Variants in NOL11 observed in about 807,000 individuals in gnomAD.
The protein encoded by NOL11 is nucleolar protein 11.
In NOL11, 42 loss-of-function variants were observed where a neutral mutation model predicts 93.0. The ratio of observed to expected loss-of-function variants is 0.45; its 90% confidence interval spans 0.35 to 0.58. The LOEUF (loss-of-function observed/expected upper bound fraction) is 0.58, where lower values mean the gene tolerates loss of function less well. NOL11 is among the 20% of genes least tolerant of loss of function. The pLI is 0.00. For synonymous variants in NOL11, 296 were observed against 293.7 expected, an observed-to-expected ratio of 1.01 and a Z score of -0.08; for missense variants, 775 against 841.8, an observed-to-expected ratio of 0.92 and a Z score of 0.98.
In NOL11 at chr17:67,722,596, G is replaced by T; in HGVS notation, c.478G>T (p.Val160Leu). Residue 160 changes from valine to leucine, a missense_variant, in exon 5 of 18, where the codon GTA (valine) becomes TTA (leucine). Val to Leu is a conservative substitution (Grantham distance 32). Transcript: ENST00000253247. ...EEVIKWTKFF[V>L]VFRHPVLIFI... ...TTTTTGTAGATGGACAAAGTTTTTC[G>T]TAGTATTCAGACATCCTGTTTTAAT... The T allele has an allele frequency of 1.3e-6, 2 of 1,570,132 alleles. No individual in the cohort carries two copies. The highest frequency in any genetic ancestry group is 8.6e-7 in the Non-Finnish European group (1 of 1,166,086).
chr17:67,743,871 C>T lies in NOL11; in HGVS notation c.*12C>T, dbSNP rs1288150349. ...TGGAGCTCTTCTGATATTATCAATT[C>T]TCCTTCATAGACATTTTATAAAGCT... On this transcript the variant is annotated 3_prime_UTR_variant, in exon 18 of 18. Transcript: ENST00000253247. 2 of 1,217,068 alleles carry T rather than the reference C, an allele frequency of 1.6e-6. No homozygotes were observed. Among genetic ancestry groups the T allele is most frequent in the Non-Finnish European group, 2.3e-6 (2 of 857,842 alleles). The allele number at this position is 1,217,068 out of a possible 1,614,324, so 75.4% of individuals were successfully genotyped here.
At chr17:67,721,115 AC>A (rs1230018783) in intron 3 of NOL11, among the ~76,000 whole-genome samples, 3 of 152,340 alleles carry the variant, frequency 2.0e-5, no homozygotes, top group African/African-American at 7.2e-5. Context: ...TTTTAGCCTA[AC>A]CTCTAGTAGT....
chr17:67,732,105 A>G (rs1046199106), intron 7 of NOL11, among the ~76,000 whole-genome samples: 2 of 151,912 alleles, frequency 1.3e-5, no homozygotes, highest in African/African-American at 2.4e-5. Context: ...TGAACACAGG[A>G]TATCTCTATT....
At position 67,736,038 on chromosome 17, in the gene NOL11, CTGTT is replaced by C; in HGVS notation, c.1054+21_1054+24del. ...TCAAGATCCAGGTAGAAACTTACTT[CTGTT>C]TGTTTTATTAATACAAACCGTTTTA... On this transcript the variant is annotated intron_variant, in intron 9 of 17. Coordinates refer to ENST00000253247, the MANE Select transcript of NOL11 (RefSeq NM_015462.5). 1 of 1,599,766 alleles carries C rather than the reference CTGTT, an allele frequency of 6.3e-7. No individual in the cohort carries two copies. Among genetic ancestry groups the C allele is most frequent in the South Asian group, 1.1e-5 (1 of 88,302 alleles).
Position 67,719,683 on chromosome 17 carries a change from C to A in NOL11, c.151C>A (p.Gln51Lys). 1 of 1,580,440 alleles carries A rather than the reference C, an allele frequency of 6.3e-7. No individual in the cohort carries two copies. The highest frequency in any genetic ancestry group is 1.1e-5 in the South Asian group (1 of 88,396). Residue 51 changes from glutamine (Q) to lysine (K), a missense_variant, in exon 2 of 18, where the codon CAG (glutamine) becomes AAG (lysine). By Grantham distance (53) the Gln-to-Lys change is moderately conservative (BLOSUM62 1). This residue lies in a region of NOL11 where 359 missense variants were observed against 316.5 expected (regional missense o/e 1.13). Coordinates refer to ENST00000253247, the MANE Select transcript of NOL11 (RefSeq NM_015462.5). ...RTVILYKVSD[Q>K]KPLGSWSVKQ... ...ATCTTAATTTCATTAGGTTTCTGAT[C>A]AGAAACCCTTGGGGAGCTGGTCAGT...
intron 8 of NOL11, among the ~76,000 whole-genome samples, chr17:67,735,334 A>T (rs1599044961): frequency 1.4e-5 from 2 of 144,960 alleles, no homozygotes; most frequent in Non-Finnish European, 2.9e-5. Context: ...CAATTTAATT[A>T]TACTTTATAT....
intron 3 of NOL11, among the ~76,000 whole-genome samples, chr17:67,720,599 C>A (rs1599034018): frequency 6.6e-6 from 1 of 152,222 alleles, no homozygotes; most frequent in East Asian, 1.9e-4. Flanking sequence ...CTGCGCCTGG[C>A]CCATGTATTG....
Position 67,717,981 on chromosome 17 carries a change from T to G in NOL11, c.34T>G (p.Ser12Ala). Residue 12 changes from serine to alanine, a missense_variant, in exon 1 of 18, where the codon TCG becomes GCG. Ser to Ala is a moderately conservative substitution (Grantham distance 99). This residue lies in a region of NOL11 where 359 missense variants were observed against 316.5 expected (regional missense o/e 1.13). Transcript: ENST00000253247. ...AALEEEFTLS[S>A]VVLSAGPEGL... ...GCTGGAGGAAGAATTCACGTTGTCT[T>G]CGGTAGTCCTGAGCGCCGGGCCTGA... is the stretch of plus-strand genomic sequence containing the variant. 1 of 1,614,248 alleles carries G rather than the reference T, an allele frequency of 6.2e-7. No homozygotes were observed. Among genetic ancestry groups the G allele is most frequent in the Non-Finnish European group, 8.5e-7 (1 of 1,180,046 alleles).
At chr17:67,733,603 A>G (rs181300914) in intron 7 of NOL11, among the ~76,000 whole-genome samples, 104 of 152,070 alleles carry the variant, frequency 6.8e-4, no homozygotes, top group African/African-American at 2.5e-3. Flanking sequence ...TTCACTGTTG[A>G]GTGATGGTAA....
chr17:67,726,746 C>G, intron 7 of NOL11, 98 bp downstream of exon 7: 1 of 862,314 alleles, frequency 1.2e-6, no homozygotes, highest in South Asian at 2.6e-5. Flanking sequence ...ATTACCCAGA[C>G]TAATTCATTC....
At position 67,743,740 on chromosome 17, in the gene NOL11, T is replaced by C. The variant is rs372941056; in HGVS notation, c.2044-3T>C. The C allele has an allele frequency of 9.6e-6, 14 of 1,463,796 alleles. No homozygotes were observed. The highest frequency in any genetic ancestry group is 1.4e-5 in the African/African-American group (1 of 69,838). 90.7% of individuals were successfully genotyped at this position (1,463,796 alleles called of 1,614,324 possible). A position where few individuals can be genotyped will look rare whatever the true frequency, so the allele number is the denominator to read the frequency against. On this transcript the variant is annotated splice_region_variant and splice_polypyrimidine_tract_variant and intron_variant, in intron 17 of 17. Transcript: ENST00000253247. ...AAAGTTACTCTGAAACTCTTTTCTT[T>C]AGATATCTGTTTATTCTGAGCTCAA... is the stretch of plus-strand genomic sequence containing the variant.
intron 7 of NOL11, among the ~76,000 whole-genome samples, chr17:67,730,237 GT>G (rs753246691): frequency 1.3e-5 from 2 of 151,748 alleles, no homozygotes; most frequent in African/African-American, 2.4e-5. Flanking sequence ...TTGTGTACCA[GT>G]TTTTTTTGTT....
chr17:67,720,035 GTTAT>G (rs1383450173), intron 3 of NOL11, 73 bp downstream of exon 3: 8 of 1,362,400 alleles, frequency 5.9e-6, no homozygotes, highest in Non-Finnish European at 6.9e-6. Flanking sequence ...TAAAGTATGT[GTTAT>G]TTATTTTAAT....
intron 7 of NOL11, among the ~76,000 whole-genome samples, chr17:67,728,093 C>T (rs6504524): frequency 0.89 from 135,072 of 152,060 alleles, 60,032 homozygotes; most frequent in East Asian, 0.95. Flanking sequence ...ACCCCGTCTC[C>T]ACTAAAAATA....
At position 67,736,685 on chromosome 17, in the gene NOL11, T is replaced by G. The variant is rs774830500; in HGVS notation, c.1074T>G (p.His358Gln). The G allele has an allele frequency of 6.2e-7, 1 of 1,611,104 alleles. No homozygotes were observed. The highest frequency in any genetic ancestry group is 1.7e-5 in the Admixed American group (1 of 59,752). ...TCTTAGGAACTCATGTCGTGTCCCA[T>G]TTTGTAAACTGGGAGACACCTCAAG... Reference protein sequence around the residue: ...SQDPGTHVVSHFVNWETPQGC... With the variant: ...SQDPGTHVVSQFVNWETPQGC... Residue 358 changes from histidine (H) to glutamine (Q), a missense_variant, in exon 10 of 18, where the codon CAT becomes CAG. Transcript: ENST00000253247.
chr17:67,732,844 G>A (rs1051471858), intron 7 of NOL11, among the ~76,000 whole-genome samples: 7 of 151,574 alleles, frequency 4.6e-5, no homozygotes, highest in African/African-American at 1.5e-4. Flanking sequence ...AAAGTGCTAG[G>A]ATTACAGGCA....
chr17:67,722,054 G>A (rs1488809914), intron 4 of NOL11, among the ~76,000 whole-genome samples: 1 of 152,196 alleles, frequency 6.6e-6, no homozygotes, highest in African/African-American at 2.4e-5. Context: ...AAAAGTCAGA[G>A]TGAAGACTGG....
chr17:67,723,848 A>G (rs181009966), intron 5 of NOL11, among the ~76,000 whole-genome samples: 3 of 152,060 alleles, frequency 2.0e-5, no homozygotes, highest in Admixed American at 6.6e-5. Flanking sequence ...GGAGGTTGCA[A>G]TGAGCTGAGA....
At chr17:67,724,217 T>G in intron 6 of NOL11, 24 bp downstream of exon 6, 5 of 1,403,350 alleles carry the variant, frequency 3.6e-6, no homozygotes, top group Non-Finnish European at 4.9e-6. Context: ...CTTTAAACTT[T>G]CAGAGATTAT....
Sources: gnomAD v4.1 joint callset for allele counts (sites outside exome capture counted in the v4.1 genomes callset) on GRCh38, gnomAD v4.1.1 for gene constraint, gnomAD v4.1.1 regional missense constraint, MANE v1.5 for transcripts, NCBI Gene and HGNC (gene_info 2026-07-23, HGNC 2026-07-21) for gene names.